Variants in MAP7 observed in about 807,000 individuals in gnomAD.
MAP7 encodes the protein microtubule associated protein 7.
In MAP7, 52 loss-of-function variants were observed where a neutral mutation model predicts 94.8. That is an observed-to-expected ratio of 0.55 (90% CI 0.44 to 0.69). The LOEUF is 0.69. Among genes scored for constraint, MAP7 ranks in the 30% least tolerant of loss-of-function variants. The probability of loss-of-function intolerance (pLI) is 0.00; values close to 1 mark genes in which losing one functional copy is unlikely to be tolerated. For synonymous variants in MAP7, 350 were observed against 357.0 expected (o/e 0.98, Z 0.22); for missense variants, 940 against 964.6 (o/e 0.97, Z 0.34).
chr6:136,511,505 G>C (rs1399167349), intron 1 of MAP7, among the ~76,000 whole-genome samples: 1 of 151,912 alleles, frequency 6.6e-6, no homozygotes, highest in East Asian at 1.9e-4. Flanking sequence ...AAAAAAGGCA[G>C]TGCAGAGATA....
chr6:136,383,138 CCT>C (rs1358316936), intron 6 of MAP7, among the ~76,000 whole-genome samples: 1 of 152,008 alleles, frequency 6.6e-6, no homozygotes, highest in Non-Finnish European at 1.5e-5. Context: ...AGGCCAGATC[CCT>C]CAAGAGTTAA....
At chr6:136,377,967 C>T (rs1776718667) in intron 6 of MAP7, 99 bp from the exon 7 acceptor site, 3 of 781,444 alleles carry the variant, frequency 3.8e-6, no homozygotes, top group Non-Finnish European at 6.3e-6. Context: ...TGGGCCTTCA[C>T]AGGACCAGGC....
At chr6:136,468,942 T>A (rs1808039099) in intron 1 of MAP7, among the ~76,000 whole-genome samples, 2 of 151,778 alleles carry the variant, frequency 1.3e-5, no homozygotes, top group Admixed American at 1.3e-4. Context: ...CAGAGGACAT[T>A]GTGTGGAGAC....
At chr6:136,516,102 A>G (rs143288751) in intron 1 of MAP7, among the ~76,000 whole-genome samples, 321 of 152,272 alleles carry the variant, frequency 2.1e-3, no homozygotes, top group African/African-American at 7.2e-3. Flanking sequence ...ATTTGCCTGG[A>G]GTAAGAAAGG....
chr6:136,365,651 G>C (rs1468365889), intron 10 of MAP7, 84 bp downstream of exon 10: 2 of 1,449,878 alleles, frequency 1.4e-6, no homozygotes, highest in Non-Finnish European at 1.9e-6. Flanking sequence ...AATAAAAGAA[G>C]AAAAGGAAAA....
At chr6:136,430,350 A>G (rs1169358267) in intron 1 of MAP7, among the ~76,000 whole-genome samples, 1 of 152,202 alleles carries the variant, frequency 6.6e-6, no homozygotes, top group Non-Finnish European at 1.5e-5. Context: ...TGAAATAGAA[A>G]AGCTTTCATA....
At chr6:136,392,237 C>T (rs1205257618) in intron 3 of MAP7, among the ~76,000 whole-genome samples, 2 of 151,866 alleles carry the variant, frequency 1.3e-5, no homozygotes, top group African/African-American at 4.8e-5. Context: ...ACCACTATGC[C>T]CGGCTAATTT....
intron 1 of MAP7, among the ~76,000 whole-genome samples, chr6:136,537,142 TTTC>T (rs1263352713): frequency 6.7e-6 from 1 of 148,594 alleles, no homozygotes; most frequent in African/African-American, 2.5e-5. Flanking sequence ...AAACTTTCTC[TTTC>T]TTTTTTTTTT....
intron 1 of MAP7, among the ~76,000 whole-genome samples, chr6:136,456,564 T>A (rs1269625298): frequency 6.6e-6 from 1 of 151,562 alleles, no homozygotes; most frequent in Non-Finnish European, 1.5e-5. Context: ...CCCAGCTACT[T>A]GGAAGGCTGA....
At position 136,414,252 on chromosome 6, in the gene MAP7, C is replaced by CAAAAAAAAAAAAAAAAAAA. The variant is rs559869492; in HGVS notation, c.167-2574_167-2556dup. On this transcript the variant is annotated intron_variant, in intron 2 of 17. Transcript: ENST00000354570. The stretch of plus-strand genomic sequence containing the variant: ...TGGGCGACAGAGCGAGACTCCGTCT[C>CAAAAAAAAAAAAAAAAAAA]AAAAAAAAAAAAAAAAAAAAAAAAA... Among the ~76,000 whole-genome samples the CAAAAAAAAAAAAAAAAAAA allele has an allele frequency of 1.6e-3, 26 of 15,944 alleles. 2 individuals are homozygous for CAAAAAAAAAAAAAAAAAAA. The highest frequency in any genetic ancestry group is 1.9e-3 in the Non-Finnish European group (12 of 6,156). 10.5% of individuals were successfully genotyped at this position (15,944 alleles called of 152,430 possible).
At chr6:136,456,822 G>GAAGAAGGAGGAAGAAGAAGAAGAA (rs1554259490) in intron 1 of MAP7, among the ~76,000 whole-genome samples, 1 of 69,024 alleles carries the variant, frequency 1.4e-5, no homozygotes, top group African/African-American at 6.4e-5. Flanking sequence ...AGAAGAAGAA[G>GAAGAAGGAGGAAGAAGAAGAAGAA]GAAGAAGAAG....
chr6:136,428,484 C>T (rs1273400303), intron 1 of MAP7, among the ~76,000 whole-genome samples: 1 of 152,086 alleles, frequency 6.6e-6, no homozygotes, highest in Non-Finnish European at 1.5e-5. Context: ...CCCGCCACTG[C>T]ACTCCACCCT....
chr6:136,419,728 A>G (rs1407658002), intron 2 of MAP7: 2 of 196,060 alleles, frequency 1.0e-5, no homozygotes, highest in Non-Finnish European at 2.1e-5. Context: ...TTGCCTGCGC[A>G]CCACTGCCTT....
intron 1 of MAP7, among the ~76,000 whole-genome samples, chr6:136,464,605 G>C (rs1806347352): frequency 2.0e-5 from 3 of 152,248 alleles, no homozygotes; most frequent in Non-Finnish European, 1.5e-5. Context: ...TGGAACCATG[G>C]ATGGAAGGAC....
chr6:136,413,375 TAGCC>T (rs1370395194), intron 2 of MAP7, among the ~76,000 whole-genome samples: 1 of 151,486 alleles, frequency 6.6e-6, no homozygotes, highest in Non-Finnish European at 1.5e-5. Flanking sequence ...ATACAAAAAT[TAGCC>T]AGTGTGGTGG....
chr6:136,504,277 C>T (rs547842916), intron 1 of MAP7, among the ~76,000 whole-genome samples: 2 of 151,860 alleles, frequency 1.3e-5, no homozygotes, highest in South Asian at 2.1e-4. Context: ...GGTGAGACTA[C>T]GGAAGGATAC....
At chr6:136,373,330 T>C (rs1384216264) in intron 7 of MAP7, among the ~76,000 whole-genome samples, 1 of 152,238 alleles carries the variant, frequency 6.6e-6, no homozygotes, top group Non-Finnish European at 1.5e-5. Flanking sequence ...CATTTGATAG[T>C]TCATAAGAAG....
chr6:136,389,208 C>T (rs1779997435), intron 4 of MAP7, 146 bp downstream of exon 4: 1 of 1,312,732 alleles, frequency 7.6e-7, no homozygotes. Context: ...ACCCTGAACT[C>T]CCTAGAAACT....
rs377150099 is a variant in MAP7 at position 136,525,806 on chromosome 6, G to A, written c.67+24536C>T. On this transcript the variant is annotated intron_variant, in intron 1 of 17. Transcript: ENST00000354570. ...GGAGACAAGGGCTGGATCTGGCTCC[G>A]ACCAAAGGGTGGAGCTAATGCATAC... 104 of 1,528,216 alleles carry A rather than the reference G, an allele frequency of 6.8e-5. 1 individual carries two copies. The highest frequency in any genetic ancestry group is 5.8e-4 in the South Asian group (48 of 82,456). 94.7% of individuals were successfully genotyped at this position (1,528,216 alleles called of 1,614,324 possible). A position where few individuals can be genotyped will look rare whatever the true frequency, so the allele number is the denominator to read the frequency against.
Sources: allele counts gnomAD v4.1 joint callset (sites outside exome capture counted in the v4.1 genomes callset), GRCh38; gene constraint gnomAD v4.1.1; transcripts MANE v1.5; gene names NCBI Gene and HGNC (gene_info 2026-07-23, HGNC 2026-07-21).